Variants in SLC17A1 observed in about 807,000 individuals in gnomAD.
SLC17A1 encodes the protein solute carrier family 17 member 1.
Under a neutral mutation model 53.5 loss-of-function variants are expected in SLC17A1, and 51 were observed. The ratio of observed to expected loss-of-function variants is 0.95; its 90% CI spans 0.76 to 1.20. The LOEUF (loss-of-function observed/expected upper bound fraction) is 1.20, where lower values mean the gene tolerates loss of function less well. Among genes scored for constraint, SLC17A1 ranks in the 50% most tolerant of loss-of-function variants. The probability of loss-of-function intolerance (pLI) is 0.00; values close to 1 mark genes in which losing one functional copy is unlikely to be tolerated. For missense variants in SLC17A1, 538 were observed against 568.2 expected (o/e 0.95, Z 0.54); for synonymous variants, 179 against 198.8 (o/e 0.90, Z 0.84).
intron 3 of SLC17A1, among the ~76,000 whole-genome samples, chr6:25,825,165 A>G (rs1764697632): frequency 6.6e-6 from 1 of 151,934 alleles, no homozygotes; most frequent in Non-Finnish European, 1.5e-5. Context: ...TTTGTTATCA[A>G]TTCTAACAAT....
chr6:25,815,771 A>G (rs1764329968), intron 6 of SLC17A1, among the ~76,000 whole-genome samples: 1 of 152,084 alleles, frequency 6.6e-6, no homozygotes. Context: ...GAGCATATTG[A>G]AAACATGCCC....
chr6:25,748,506 C>A, the SLC17A1 span, among the ~76,000 whole-genome samples: 1 of 152,190 alleles, frequency 6.6e-6, no homozygotes, highest in Non-Finnish European at 1.5e-5. Flanking sequence ...TGCCCCTCCA[C>A]ACCTGTGGGT....
At chr6:25,820,662 C>T (rs940731955) in intron 3 of SLC17A1, among the ~76,000 whole-genome samples, 8 of 151,986 alleles carry the variant, frequency 5.3e-5, no homozygotes, top group Non-Finnish European at 8.8e-5. Flanking sequence ...GGGCGGATCA[C>T]GAGGTCAGGA....
the SLC17A1 span, among the ~76,000 whole-genome samples, chr6:25,733,735 T>C: frequency 6.6e-6 from 1 of 151,956 alleles, no homozygotes; most frequent in Non-Finnish European, 1.5e-5. Context: ...AGTATAAAGA[T>C]ACTAATATTT....
the SLC17A1 span, among the ~76,000 whole-genome samples, chr6:25,763,385 T>C: frequency 6.6e-6 from 1 of 152,236 alleles, no homozygotes; most frequent in Non-Finnish European, 1.5e-5. Context: ...GTTATTTTGT[T>C]GTGTATCCAA....
Position 25,811,887 on chromosome 6 carries a change from A to G in SLC17A1, c.898-117T>C, listed in dbSNP as rs4374818. On this transcript the variant is annotated intron_variant, in intron 8 of 12. Transcript: ENST00000244527. ...AATGTGTACTTTCATATAGGAAATC[A>G]TCAACATACAACAACAGAATTACTG... is the stretch of plus-strand genomic sequence containing the variant. 5.1e-3 allele frequency: 5,559 copies of G among 1,094,998 alleles called. 136 individuals are homozygous for G. In the African/African-American group the frequency reaches 0.061, roughly 12 times the overall value. The allele number at this position is 1,094,998 out of a possible 1,614,324, so 67.8% of individuals were successfully genotyped here.
At chr6:25,747,061 C>T in the SLC17A1 span, among the ~76,000 whole-genome samples, 11 of 152,130 alleles carry the variant, frequency 7.2e-5, no homozygotes, top group South Asian at 2.1e-3. Flanking sequence ...AAGCAGTTCA[C>T]CAACAATATC....
intron 12 of SLC17A1, among the ~76,000 whole-genome samples, chr6:25,796,548 G>A (rs1025737232): frequency 6.6e-6 from 1 of 152,130 alleles, no homozygotes; most frequent in Non-Finnish European, 1.5e-5. Context: ...TGAGACTGCA[G>A]TAAGTTATGA....
chr6:25,809,917 T>C (rs1764093113), intron 10 of SLC17A1, among the ~76,000 whole-genome samples: 3 of 152,058 alleles, frequency 2.0e-5, no homozygotes, highest in Non-Finnish European at 2.9e-5. Flanking sequence ...TGAAAATAGA[T>C]ACATAGACCA....
chr6:25,826,948 C>T lies in SLC17A1; in HGVS notation c.35-315G>A, dbSNP rs148058681. Reference sequence around the variant, plus strand: ...GTGTTACTCTTGGACATAAGTCCCCCTAATTACAACAAAGACATTTTCTGT... The same window carrying T: ...GTGTTACTCTTGGACATAAGTCCCCTTAATTACAACAAAGACATTTTCTGT... On this transcript the variant is annotated intron_variant, in intron 2 of 12. Coordinates refer to ENST00000244527, the MANE Select transcript of SLC17A1 (RefSeq NM_005074.5). Among the ~76,000 whole-genome samples, 687 of 152,180 alleles carry T rather than the reference C, an allele frequency of 4.5e-3. 4 individuals carry two copies. Among genetic ancestry groups the T allele is most frequent in the African/African-American group, 0.016 (669 of 41,528 alleles).
At chr6:25,799,037 A>G in intron 11 of SLC17A1, 118 bp from the exon 12 acceptor site, 1 of 871,760 alleles carries the variant, frequency 1.1e-6, no homozygotes, top group Non-Finnish European at 1.7e-6. Flanking sequence ...ATGGAAAAAC[A>G]TACTTATACA....
Position 25,813,129 on chromosome 6 carries a change from T to C in SLC17A1, c.701A>G (p.Glu234Gly). The stretch of plus-strand genomic sequence containing the variant: ...CAGGGAGGATGTGATGTATTCCTTT[T>C]CACTGATGCTTATACATGGGTGGTC... ...PKDHPCISIS[E>G]KEYITSSLVQ... The change falls in exon 7 of 13, where the codon GAA (glutamate) becomes GGA (glycine). Residue 234 changes from glutamate to glycine, a missense_variant. Physicochemically the swap from Glu to Gly is moderately conservative, Grantham distance 98. Transcript: ENST00000244527. 6.2e-7 allele frequency: 1 copy of C among 1,614,180 alleles called. No homozygotes were observed. The highest frequency in any genetic ancestry group is 8.5e-7 in the Non-Finnish European group (1 of 1,180,012).
chr6:25,811,613 C>T (rs565893801), intron 9 of SLC17A1, 25 bp downstream of exon 9: 2 of 1,613,788 alleles, frequency 1.2e-6, no homozygotes, highest in African/African-American at 1.3e-5. Context: ...CTCCCAAGTG[C>T]TTAAATGTTC....
chr6:25,732,766 C>G, the SLC17A1 span: 4 of 991,600 alleles, frequency 4.0e-6, no homozygotes, highest in Admixed American at 3.7e-5. Flanking sequence ...TGCCCAACAT[C>G]CAAGCTGTGC....
chr6:25,726,662 A>G, the SLC17A1 span: 1 of 1,220,902 alleles, frequency 8.2e-7, no homozygotes, highest in Non-Finnish European at 1.1e-6. Context: ...AAGTCGTACT[A>G]GAATCGCCTC....
intron 10 of SLC17A1, among the ~76,000 whole-genome samples, chr6:25,802,673 G>GC (rs1763816533): frequency 6.6e-6 from 1 of 151,902 alleles, no homozygotes; most frequent in African/African-American, 2.4e-5. Flanking sequence ...TTGCATTTTA[G>GC]AGATATCAAT....
intron 10 of SLC17A1, among the ~76,000 whole-genome samples, chr6:25,806,094 A>G (rs1026193993): frequency 6.6e-6 from 1 of 152,104 alleles, no homozygotes; most frequent in Admixed American, 6.6e-5. Flanking sequence ...GTATAGATCA[A>G]TATCCCTGAT....
chr6:25,758,070 G>A, the SLC17A1 span, among the ~76,000 whole-genome samples: 2 of 152,152 alleles, frequency 1.3e-5, no homozygotes, highest in Admixed American at 6.6e-5. Flanking sequence ...CTCCAGTGTG[G>A]TGTAGACCTT....
At chr6:25,780,770 A>G (rs571366370), downstream of SLC17A1, 1 of 152,286 alleles carries the variant, frequency 6.6e-6, no homozygotes, top group South Asian at 2.1e-4. Flanking sequence ...GAGGCAATAG[A>G]CATGGTGAGA....
Sources: allele counts gnomAD v4.1 joint callset (sites outside exome capture counted in the v4.1 genomes callset), GRCh38; gene constraint gnomAD v4.1.1; transcripts MANE v1.5; gene names NCBI Gene and HGNC (gene_info 2026-07-23, HGNC 2026-07-21).